Variants in MBP observed in about 807,000 individuals in gnomAD.
MBP encodes myelin basic protein, also known as Golli-MBP.
In MBP, 16 loss-of-function variants were observed where a neutral mutation model predicts 35.8. That is an observed-to-expected ratio of 0.45 (90% confidence interval 0.30 to 0.68). The LOEUF (loss-of-function observed/expected upper bound fraction) is 0.68. MBP is among the 30% of genes least tolerant of loss of function. The pLI is 0.08. For synonymous variants in MBP, 143 were observed against 159.6 expected (o/e 0.90, Z 0.78); for missense variants, 380 against 404.7 (o/e 0.94, Z 0.52).
At chr18:77,118,248 C>T (rs1189856130) in intron 1 of MBP, among the ~76,000 whole-genome samples, 4 of 148,240 alleles carry the variant, frequency 2.7e-5, no homozygotes, top group African/African-American at 5.0e-5. Context: ...TCAGTGGGTT[C>T]GGGAGCAGGA....
intron 4 of MBP, among the ~76,000 whole-genome samples, chr18:77,001,295 C>T (rs553129827): frequency 1.3e-4 from 20 of 152,356 alleles, no homozygotes; most frequent in Middle Eastern, 3.4e-3. Context: ...GGTGTGCCCG[C>T]GTTTCTCTTC....
chr18:76,979,124 TGAC>T lies in MBP; in HGVS notation c.*1300_*1302del, dbSNP rs1333353297. 2 of 152,182 alleles carry T rather than the reference TGAC, an allele frequency of 1.3e-5. No homozygotes were observed. The highest frequency in any genetic ancestry group is 2.9e-5 in the Non-Finnish European group (2 of 68,048). The allele number at this position is 152,182 out of a possible 1,614,324, so 9.4% of individuals were successfully genotyped here. A position where few individuals can be genotyped will look rare whatever the true frequency, so the allele number is the denominator to read the frequency against. ...AAGAAGACGCGTTTTGGCATCACGC[TGAC>T]TACTCCTCATCTCCGTCCTCGGGGA... is the stretch of plus-strand genomic sequence containing the variant. On this transcript the variant is annotated 3_prime_UTR_variant, in exon 9 of 9. Transcript: ENST00000355994.
At chr18:77,112,429 C>T (rs1976497358) in intron 1 of MBP, among the ~76,000 whole-genome samples, 1 of 152,218 alleles carries the variant, frequency 6.6e-6, no homozygotes, top group Non-Finnish European at 1.5e-5. Flanking sequence ...ACGCTGGGTG[C>T]GCCGGCTTTC....
At chr18:76,986,886 T>C (rs1969587581) in intron 7 of MBP, 1 of 985,486 alleles carries the variant, frequency 1.0e-6, no homozygotes, top group Non-Finnish European at 1.2e-6. Flanking sequence ...ATGTTTATCT[T>C]TGGGGAACCT....
At chr18:77,036,876 G>A (rs1303127194) in intron 3 of MBP, among the ~76,000 whole-genome samples, 3 of 118,712 alleles carry the variant, frequency 2.5e-5, no homozygotes, top group African/African-American at 1.0e-4. Context: ...GCAAGTGCTG[G>A]TCACGTTTTG....
intron 2 of MBP, among the ~76,000 whole-genome samples, chr18:77,074,076 G>A (rs1461680886): frequency 6.6e-6 from 1 of 152,154 alleles, no homozygotes; most frequent in Admixed American, 6.5e-5. Context: ...TGAAACCTTG[G>A]GCAAATGCAC....
chr18:77,025,705 C>CTTTTTTTTTTTTTTTTTTT lies in MBP; in HGVS notation c.140-8456_140-8438dup, dbSNP rs540022394. 1.4e-4 allele frequency among the ~76,000 whole-genome samples: 15 copies of CTTTTTTTTTTTTTTTTTTT among 108,800 alleles called. 1 individual carries two copies. Among genetic ancestry groups the CTTTTTTTTTTTTTTTTTTT allele is most frequent in the East Asian group, 6.8e-4 (2 of 2,958 alleles). The allele number at this position is 108,800 out of a possible 152,430, so 71.4% of individuals were successfully genotyped here. On this transcript the variant is annotated intron_variant, in intron 3 of 8. Transcript: ENST00000355994. ...GCGGACACTGTCCTCTATTGAAATA[C>CTTTTTTTTTTTTTTTTTTT]TTTTTTTTTTTTTTTTTTTTACCTA...
At chr18:77,105,749 T>C (rs1976254792) in intron 1 of MBP, among the ~76,000 whole-genome samples, 1 of 152,218 alleles carries the variant, frequency 6.6e-6, no homozygotes, top group South Asian at 2.1e-4. Flanking sequence ...TGCTCACTGC[T>C]TTAAAGAAAC....
intron 4 of MBP, chr18:77,014,376 G>A (rs1164563680): frequency 1.0e-6 from 1 of 985,364 alleles, no homozygotes; most frequent in Non-Finnish European, 1.2e-6. Flanking sequence ...TCCACTCAGA[G>A]TCTGGCAGGA....
intron 1 of MBP, chr18:77,113,968 G>A (rs1219405999): frequency 2.0e-5 from 3 of 152,242 alleles, no homozygotes; most frequent in African/African-American, 7.2e-5. Flanking sequence ...GCTCCCGGCA[G>A]TTTTCAGGAG....
At chr18:77,130,774 G>A (rs1400658283) in intron 1 of MBP, among the ~76,000 whole-genome samples, 18 of 149,942 alleles carry the variant, frequency 1.2e-4, no homozygotes, top group African/African-American at 3.9e-4. Flanking sequence ...ACTCAAACCC[G>A]ACGTTTTAAA....
intron 3 of MBP, among the ~76,000 whole-genome samples, chr18:77,043,476 A>T (rs1305946138): frequency 6.6e-6 from 1 of 152,194 alleles, no homozygotes; most frequent in Non-Finnish European, 1.5e-5. Flanking sequence ...TTATCGTGGC[A>T]TCTGAAAATG....
In MBP at chr18:76,980,438, C is replaced by T; in HGVS notation, c.904G>A (p.Ala302Thr). The change falls in exon 9 of 9, where the codon GCT becomes ACT. Residue 302 changes from alanine to threonine, a missense_variant. Transcript: ENST00000355994. Reference sequence around the variant, plus strand: ...AACCAGGTGGGTTTTCAGCGTCTAGCCATGGGTGATCCAGAGCGACTATCT... The same window carrying T: ...AACCAGGTGGGTTTTCAGCGTCTAGTCATGGGTGATCCAGAGCGACTATCT... Reference protein sequence around the residue: ...GRDSRSGSPMARR With the variant: ...GRDSRSGSPMTRR 6.2e-7 allele frequency: 1 copy of T among 1,613,732 alleles called. No individual in the cohort carries two copies. The highest frequency in any genetic ancestry group is 8.5e-7 in the Non-Finnish European group (1 of 1,179,762).
In MBP at chr18:77,102,614, C is replaced by T. The variant is rs372243969; in HGVS notation, c.51+2597G>A. On this transcript the variant is annotated intron_variant, in intron 2 of 8. Transcript: ENST00000355994. This position sits in a 1 kb window ranked among gnomAD's most constrained non-coding sequence, Gnocchi z 4.4. ...ACATGAGATTTCAGAAAACAAAAGC[C>T]TCAGCATGGGCTTTGCTATGGCTCA... Among the ~76,000 whole-genome samples the T allele has an allele frequency of 6.6e-6, 1 of 152,200 alleles. No homozygotes were observed. Among genetic ancestry groups the T allele is most frequent in the South Asian group, 2.1e-4 (1 of 4,832 alleles).
At chr18:77,019,444 G>T (rs1971896399) in intron 3 of MBP, among the ~76,000 whole-genome samples, 3 of 150,626 alleles carry the variant, frequency 2.0e-5, no homozygotes, top group African/African-American at 7.4e-5. Context: ...GAGCCTGGAG[G>T]GGGGCATCTA....
intron 1 of MBP, among the ~76,000 whole-genome samples, chr18:77,121,746 A>C (rs1226532349): frequency 1.3e-5 from 2 of 152,216 alleles, no homozygotes; most frequent in East Asian, 1.9e-4. Flanking sequence ...ATTTATATTT[A>C]TATTTATATT....
At chr18:77,042,309 C>G (rs1210325616) in intron 3 of MBP, among the ~76,000 whole-genome samples, 1 of 152,114 alleles carries the variant, frequency 6.6e-6, no homozygotes, top group Non-Finnish European at 1.5e-5. Context: ...GACTCTCAGT[C>G]TCCCCAGGGG....
At chr18:77,047,210 G>T (rs1249940664) in intron 3 of MBP, among the ~76,000 whole-genome samples, 5 of 152,240 alleles carry the variant, frequency 3.3e-5, no homozygotes, top group Non-Finnish European at 4.4e-5. Context: ...TAGGATTCAC[G>T]ACAGCCAAAG....
chr18:77,079,339 T>C (rs545102049), intron 2 of MBP, among the ~76,000 whole-genome samples: 1 of 152,324 alleles, frequency 6.6e-6, no homozygotes, highest in South Asian at 2.1e-4. Context: ...GTACCACCCA[T>C]GGCCACGGCC....
Sources: gnomAD v4.1 joint callset for allele counts (sites outside exome capture counted in the v4.1 genomes callset) on GRCh38, gnomAD v4.1.1 for gene constraint, Gnocchi (gnomAD v3.1) non-coding constraint, MANE v1.5 for transcripts, NCBI Gene and HGNC (gene_info 2026-07-23, HGNC 2026-07-21) for gene names.